Variants in CEP162 observed in about 807,000 individuals in gnomAD.
CEP162 encodes the protein centrosomal protein of 162 kDa.
In CEP162, 141 loss-of-function variants were observed where a neutral mutation model predicts 169.2. The ratio of observed to expected loss-of-function variants is 0.83; its 90% CI spans 0.73 to 0.96. The LOEUF (loss-of-function observed/expected upper bound fraction) is 0.96. CEP162 is among the 40% of genes least tolerant of loss of function. CEP162 has a pLI of 0.00. For synonymous variants in CEP162, 540 were observed against 526.4 expected, an observed-to-expected ratio of 1.03 and a Z score of -0.35; for missense variants, 1,600 against 1,587.2, an observed-to-expected ratio of 1.01 and a Z score of -0.14.
chr6:84,193,797 G>T, intron 10 of CEP162, 107 bp from the exon 11 acceptor site: 3 of 567,074 alleles, frequency 5.3e-6, no homozygotes, highest in Non-Finnish European at 9.2e-6. Context: ...TTAATAAAAC[G>T]GTACATGCAA....
chr6:84,190,669 C>A (rs1213006823), intron 11 of CEP162, among the ~76,000 whole-genome samples: 1 of 152,100 alleles, frequency 6.6e-6, no homozygotes, highest in Admixed American at 6.6e-5. Context: ...ACGAACCCAC[C>A]AGAAGGAAGA....
chr6:84,128,756 A>G (rs2099509977), intron 25 of CEP162, among the ~76,000 whole-genome samples: 1 of 152,098 alleles, frequency 6.6e-6, no homozygotes, highest in Non-Finnish European at 1.5e-5. Context: ...GGTTTGTTAC[A>G]TAGGTATACA....
intron 25 of CEP162, among the ~76,000 whole-genome samples, chr6:84,139,830 T>C (rs1171383892): frequency 6.6e-6 from 1 of 151,416 alleles, no homozygotes; most frequent in Non-Finnish European, 1.5e-5. Context: ...GAAAAGGTCA[T>C]TGTTTTCCAT....
chr6:84,160,983 G>A, intron 20 of CEP162, 67 bp from the exon 21 acceptor site: 1 of 1,092,370 alleles, frequency 9.2e-7, no homozygotes, highest in East Asian at 2.4e-5. Context: ...CAAGGGGAAA[G>A]CATAATATTA....
At chr6:84,226,000 T>A (rs2099555589) in intron 2 of CEP162, among the ~76,000 whole-genome samples, 1 of 151,224 alleles carries the variant, frequency 6.6e-6, no homozygotes, top group South Asian at 2.1e-4. Context: ...TATGTAAGAG[T>A]GAAATCATGA....
At chr6:84,188,264 A>T (rs1014680247) in intron 11 of CEP162, among the ~76,000 whole-genome samples, 22 of 151,496 alleles carry the variant, frequency 1.5e-4, no homozygotes, top group African/African-American at 5.3e-4. Context: ...TTTTTTTTTT[A>T]AACTTTTATT....
At chr6:84,224,785 T>G (rs1354212062) in intron 2 of CEP162, among the ~76,000 whole-genome samples, 1 of 152,000 alleles carries the variant, frequency 6.6e-6, no homozygotes, top group Non-Finnish European at 1.5e-5. Flanking sequence ...AGAATGTGTG[T>G]GCTGGAAGGG....
chr6:84,163,239 T>C lies in CEP162; in HGVS notation c.2417A>G (p.Lys806Arg). 1 of 1,611,132 alleles carries C rather than the reference T, an allele frequency of 6.2e-7. No homozygotes were observed. Among genetic ancestry groups the C allele is most frequent in the Non-Finnish European group, 8.5e-7 (1 of 1,177,696 alleles). Reference sequence around the variant, plus strand: ...AGCTTGTTTGTCTTGTTTCAGTCTTTTGATGTCTTCCAATAAACTGTCTTT... The same window carrying C: ...AGCTTGTTTGTCTTGTTTCAGTCTTCTGATGTCTTCCAATAAACTGTCTTT... Reference protein sequence around the residue: ...KEKDSLLEDIKRLKQDKQALE... With the variant: ...KEKDSLLEDIRRLKQDKQALE... The change falls in exon 19 of 27, where the codon AAA (lysine) becomes AGA (arginine). Residue 806 changes from lysine to arginine, a missense_variant. Coordinates refer to ENST00000403245, the MANE Select transcript of CEP162 (RefSeq NM_014895.4).
intron 7 of CEP162, among the ~76,000 whole-genome samples, chr6:84,203,503 G>A (rs544982268): frequency 2.1e-4 from 32 of 152,270 alleles, no homozygotes; most frequent in Non-Finnish European, 3.1e-4. Context: ...GGAGTGCAGT[G>A]ACATGATCAC....
intron 25 of CEP162, among the ~76,000 whole-genome samples, chr6:84,129,335 G>GAA (rs1562909630): frequency 6.6e-6 from 1 of 151,988 alleles, no homozygotes; most frequent in African/African-American, 2.4e-5. Context: ...CTATTTCTCC[G>GAA]CATCCTCTCC....
At chr6:84,197,816 C>CAAACA (rs2099542784) in intron 9 of CEP162, among the ~76,000 whole-genome samples, 2 of 71,848 alleles carry the variant, frequency 2.8e-5, no homozygotes, top group African/African-American at 6.9e-5. Context: ...GATTCTGCCT[C>CAAACA]AAACAAAACA....
intron 9 of CEP162, among the ~76,000 whole-genome samples, chr6:84,197,974 A>C (rs1248226600): frequency 6.6e-6 from 1 of 152,238 alleles, no homozygotes; most frequent in African/African-American, 2.4e-5. Flanking sequence ...CCTGTGAGAC[A>C]AATGAAAATA....
At chr6:84,214,951 GTTTA>G (rs2099550949) in intron 5 of CEP162, among the ~76,000 whole-genome samples, 1 of 152,028 alleles carries the variant, frequency 6.6e-6, no homozygotes, top group African/African-American at 2.4e-5. Flanking sequence ...TTTTTCCTGA[GTTTA>G]TAATGGTAAC....
At chr6:84,194,055 A>G (rs1449088541) in intron 10 of CEP162, among the ~76,000 whole-genome samples, 1 of 152,184 alleles carries the variant, frequency 6.6e-6, no homozygotes, top group Non-Finnish European at 1.5e-5. Context: ...TGATCAAGGC[A>G]TATTAGAAAA....
chr6:84,128,299 C>A (rs922550805), intron 25 of CEP162, among the ~76,000 whole-genome samples: 4 of 152,088 alleles, frequency 2.6e-5, no homozygotes, highest in Admixed American at 6.5e-5. Flanking sequence ...TGAATATGTA[C>A]ATATATTTTA....
chr6:84,141,754 C>G (rs150391335), intron 25 of CEP162, among the ~76,000 whole-genome samples: 2 of 152,188 alleles, frequency 1.3e-5, no homozygotes, highest in African/African-American at 4.8e-5. Context: ...GGCAGCCAGG[C>G]TGGCTTTGCT....
chr6:84,177,310 G>A (rs1312950882), intron 13 of CEP162, among the ~76,000 whole-genome samples: 2 of 152,018 alleles, frequency 1.3e-5, no homozygotes, highest in Non-Finnish European at 2.9e-5. Context: ...ACCCTTCCCT[G>A]TACCCCACCA....
intron 26 of CEP162, among the ~76,000 whole-genome samples, 167 bp downstream of exon 26, chr6:84,126,211 G>C (rs62449276): frequency 0.049 from 7,452 of 152,002 alleles, 229 homozygotes; most frequent in Admixed American, 0.088. Flanking sequence ...GAGATATAAA[G>C]TCTCATTTTC....
intron 3 of CEP162, 114 bp from the exon 4 acceptor site, chr6:84,216,036 A>T (rs188564858): frequency 5.5e-6 from 7 of 1,263,840 alleles, no homozygotes; most frequent in Admixed American, 6.8e-5. Flanking sequence ...TATAAAATAA[A>T]TCTGCTCTAT....
Sources: allele counts gnomAD v4.1 joint callset (sites outside exome capture counted in the v4.1 genomes callset), GRCh38; gene constraint gnomAD v4.1.1; transcripts MANE v1.5; gene names NCBI Gene and HGNC (gene_info 2026-07-23, HGNC 2026-07-21).